Variants in SNX29 observed in about 807,000 individuals in gnomAD.
SNX29 encodes the protein sorting nexin 29.
Under a neutral mutation model 102.1 loss-of-function variants are expected in SNX29, and 78 were observed. The ratio of observed to expected loss-of-function variants is 0.76; its 90% CI spans 0.64 to 0.92. SNX29 has a LOEUF of 0.92. Ranked by LOEUF, SNX29 falls within the 40% of genes least tolerant of loss-of-function variation. The probability of loss-of-function intolerance (pLI) is 0.00; values close to 1 mark genes in which losing one functional copy is unlikely to be tolerated. For missense variants in SNX29, 1,280 were observed against 1,061.7 expected, an observed-to-expected ratio of 1.21 and a Z score of -2.86; for synonymous variants, 580 against 414.5, an observed-to-expected ratio of 1.40 and a Z score of -4.85.
intron 11 of SNX29, among the ~76,000 whole-genome samples, chr16:12,126,297 A>G (rs1354256608): frequency 3.3e-5 from 5 of 152,204 alleles, no homozygotes; most frequent in African/African-American, 1.2e-4. Context: ...TCTCACTTAC[A>G]TATTGTCTTA....
intron 18 of SNX29, among the ~76,000 whole-genome samples, chr16:12,418,661 C>A (rs991556535): frequency 6.6e-6 from 1 of 152,062 alleles, no homozygotes; most frequent in African/African-American, 2.4e-5. Context: ...ATTACAGGTG[C>A]CTGCCACCGT....
intron 18 of SNX29, among the ~76,000 whole-genome samples, chr16:12,450,100 A>G (rs2086239660): frequency 6.6e-6 from 1 of 152,186 alleles, no homozygotes; most frequent in Admixed American, 6.5e-5. Context: ...CCACCATGTA[A>G]GAGGTGGCTT....
At chr16:12,543,140 A>G (rs979682351) in intron 20 of SNX29, among the ~76,000 whole-genome samples, 1 of 152,184 alleles carries the variant, frequency 6.6e-6, no homozygotes, top group East Asian at 1.9e-4. Context: ...GTTTAGATCC[A>G]GGCCCTGAAG....
intron 8 of SNX29, chr16:12,052,429 C>G (rs1596705255): frequency 2.0e-6 from 1 of 488,120 alleles, no homozygotes; most frequent in Non-Finnish European, 3.6e-6. Context: ...ATTGGCCAGG[C>G]TGGTCTCAAA....
At chr16:12,005,978 A>G (rs2056437965) in intron 3 of SNX29, among the ~76,000 whole-genome samples, 1 of 152,174 alleles carries the variant, frequency 6.6e-6, no homozygotes, top group Non-Finnish European at 1.5e-5. Flanking sequence ...TTTATAGTAG[A>G]ATTTAAAAAG....
chr16:12,143,850 G>A (rs2054954181), intron 13 of SNX29, among the ~76,000 whole-genome samples: 1 of 152,116 alleles, frequency 6.6e-6, no homozygotes, highest in African/African-American at 2.4e-5. Flanking sequence ...ATAGTCACCT[G>A]GGGAGCTTTT....
At chr16:12,484,625 C>T (rs1228868719) in intron 19 of SNX29, among the ~76,000 whole-genome samples, 1 of 152,076 alleles carries the variant, frequency 6.6e-6, no homozygotes, top group Non-Finnish European at 1.5e-5. Context: ...CCTAAGACAT[C>T]TACACTGATC....
At chr16:12,558,091 G>T (rs948563319) in intron 20 of SNX29, among the ~76,000 whole-genome samples, 1 of 152,146 alleles carries the variant, frequency 6.6e-6, no homozygotes, top group Non-Finnish European at 1.5e-5. Flanking sequence ...CATGCAAAGT[G>T]GGGACGGGGC....
At chr16:12,073,788 A>G (rs1362367595) in intron 10 of SNX29, among the ~76,000 whole-genome samples, 1 of 151,916 alleles carries the variant, frequency 6.6e-6, no homozygotes, top group African/African-American at 2.4e-5. Flanking sequence ...TCTCATTATT[A>G]TTGTGTGGGA....
intron 11 of SNX29, among the ~76,000 whole-genome samples, chr16:12,118,692 G>A (rs1204203588): frequency 6.6e-6 from 1 of 152,086 alleles, no homozygotes; most frequent in African/African-American, 2.4e-5. Flanking sequence ...AGACACCCTC[G>A]ACCCTCACCT....
chr16:11,983,435 CCT>C (rs1431787214), intron 1 of SNX29, among the ~76,000 whole-genome samples: 1 of 151,892 alleles, frequency 6.6e-6, no homozygotes, highest in East Asian at 1.9e-4. Context: ...CTGACTGGGC[CCT>C]CTCTGACAGT....
intron 20 of SNX29, among the ~76,000 whole-genome samples, chr16:12,560,137 C>CT (rs1164479707): frequency 2.9e-5 from 1 of 34,646 alleles, no homozygotes; most frequent in Admixed American, 1.8e-4. Context: ...TGTTCCCCTC[C>CT]CCCCCCCAAC....
intron 11 of SNX29, among the ~76,000 whole-genome samples, chr16:12,126,385 G>A (rs1029080820): frequency 6.6e-6 from 1 of 152,214 alleles, no homozygotes; most frequent in South Asian, 2.1e-4. Flanking sequence ...GTGCTCAGAG[G>A]GGGTTGCTAA....
intron 20 of SNX29, among the ~76,000 whole-genome samples, chr16:12,562,193 A>C (rs2078764026): frequency 6.6e-6 from 1 of 152,158 alleles, no homozygotes; most frequent in Admixed American, 6.5e-5. Flanking sequence ...CATAGGGTTC[A>C]CAGAGGAGTG....
intron 16 of SNX29, among the ~76,000 whole-genome samples, chr16:12,386,349 T>A (rs1365989817): frequency 6.6e-6 from 1 of 152,210 alleles, no homozygotes; most frequent in East Asian, 1.9e-4. Context: ...ATTGAATCCT[T>A]ACAACAAACC....
chr16:12,346,346 CGTAA>C (rs1821699890), intron 15 of SNX29, among the ~76,000 whole-genome samples: 1 of 152,126 alleles, frequency 6.6e-6, no homozygotes, highest in Admixed American at 6.5e-5. Flanking sequence ...GAGTACTTTA[CGTAA>C]CCCTAAGTAA....
chr16:12,265,698 C>CA (rs67651482), intron 14 of SNX29, among the ~76,000 whole-genome samples: 9 of 60,632 alleles, frequency 1.5e-4, no homozygotes, highest in South Asian at 2.1e-3. Flanking sequence ...TCAACTCTAC[C>CA]AAAAAAAAAA....
At chr16:12,059,519 T>C (rs1271167059) in intron 8 of SNX29, among the ~76,000 whole-genome samples, 4 of 152,206 alleles carry the variant, frequency 2.6e-5, no homozygotes, top group African/African-American at 9.7e-5. Context: ...CTTGCAAAAT[T>C]CTGCTAGGAT....
intron 16 of SNX29, among the ~76,000 whole-genome samples, chr16:12,376,834 T>C (rs1462930090): frequency 6.6e-6 from 1 of 151,802 alleles, no homozygotes. Flanking sequence ...TTGTTTCCCT[T>C]CTCTTTCCTC....
Sources: gnomAD v4.1 joint callset for allele counts (sites outside exome capture counted in the v4.1 genomes callset) on GRCh38, gnomAD v4.1.1 for gene constraint, MANE v1.5 for transcripts, NCBI Gene and HGNC (gene_info 2026-07-23, HGNC 2026-07-21) for gene names.